Variants in SEMA4G observed in about 807,000 individuals in gnomAD.
SEMA4G encodes the protein semaphorin-4G.
SEMA4G carries 59 observed loss-of-function variants against 81.2 expected under a neutral mutation model. The ratio of observed to expected loss-of-function variants is 0.73; its 90% CI spans 0.59 to 0.90. The LOEUF (loss-of-function observed/expected upper bound fraction) is 0.90, where lower values mean the gene tolerates loss of function less well. SEMA4G is among the 40% of genes least tolerant of loss of function. SEMA4G has a pLI of 0.00. For synonymous variants in SEMA4G, 404 were observed against 433.9 expected (o/e 0.93, Z 0.86); for missense variants, 952 against 1,102.3 (o/e 0.86, Z 1.93).
At chr10:100,984,455 C>T (rs1006521433) in exon 14 of SEMA4G, 1 of 1,517,260 alleles carries the variant, frequency 6.6e-7, no homozygotes, top group Non-Finnish European at 8.8e-7. Context: ...CCTCCTGTTC[C>T]ATTCATCTGC....
chr10:100,971,915 C>T (rs758528881), upstream of SEMA4G, among the ~76,000 whole-genome samples: 5 of 152,168 alleles, frequency 3.3e-5, no homozygotes, highest in Non-Finnish European at 7.4e-5. Context: ...AGGTACCCAC[C>T]CCAATGCCTG....
chr10:100,979,362 G>A, intron 8 of SEMA4G, 91 bp downstream of exon 9: 8 of 1,606,452 alleles, frequency 5.0e-6, no homozygotes, highest in Non-Finnish European at 6.8e-6. Context: ...ATCCACTGTG[G>A]GGAGGTCTGG....
At position 100,980,795 on chromosome 10, in the gene SEMA4G, C is replaced by A. The variant is rs111542775; in HGVS notation, c.1468-27C>A. 188 of 1,548,804 alleles carry A rather than the reference C, an allele frequency of 1.2e-4. 3 individuals carry two copies. In the African/African-American group the frequency reaches 2.1e-3, roughly 18 times the overall value. ...GTATCTGTATGAGTGGGGACGCTGC[C>A]GACCAACTGTCCTATCTGGCTCCCA... is the stretch of plus-strand genomic sequence containing the variant. On this transcript the variant is annotated intron_variant, in intron 11 of 13. Coordinates refer to ENST00000370250, the Ensembl canonical transcript of SEMA4G.
At chr10:100,978,234 C>T in intron 4 of SEMA4G, 61 bp from the exon 6 acceptor site, 4 of 1,302,886 alleles carry the variant, frequency 3.1e-6, no homozygotes, top group South Asian at 2.5e-5. Context: ...ACTGATCTGA[C>T]TTTGAGCCAC....
In SEMA4G at chr10:100,977,715, CCT is replaced by C. The variant is rs1438510738; in HGVS notation, c.423_424del (p.Ala143SerfsTer3). The C allele has an allele frequency of 6.2e-7, 1 of 1,613,844 alleles. No individual in the cohort carries two copies. On this transcript the variant is annotated frameshift_variant, in exon 4 of 14. Transcript: ENST00000370250. LOFTEE classifies it high-confidence loss of function. ...CATGTGGGACTCACGCCTTCCAGCC[CCT>C]CTGTGCAGCCATTGTGAGTATACCT... is the stretch of plus-strand genomic sequence containing the variant.
At chr10:100,984,345 G>A in exon 14 of SEMA4G, 1 of 1,441,664 alleles carries the variant, frequency 6.9e-7, no homozygotes, top group Non-Finnish European at 9.1e-7. Context: ...AGGCCCATCG[G>A]TGCTCCTCAG....
chr10:100,983,393 C>T (rs770897727), exon 14 of SEMA4G: 3 of 1,611,632 alleles, frequency 1.9e-6, no homozygotes, highest in East Asian at 2.2e-5. Flanking sequence ...TGGCCCGGGC[C>T]TTGTGGCTAC....
chr10:100,980,791 C>A, intron 11 of SEMA4G, 31 bp from the exon 13 acceptor site: 1 of 1,556,214 alleles, frequency 6.4e-7, no homozygotes, highest in Non-Finnish European at 8.7e-7. Flanking sequence ...AGTGGGGACG[C>A]TGCCGACCAA....
chr10:100,973,144 G>A lies in SEMA4G; in HGVS notation c.140G>A (p.Arg47Gln), dbSNP rs1370809407. 8.7e-6 allele frequency: 14 copies of A among 1,613,866 alleles called. No homozygotes were observed. The highest frequency in any genetic ancestry group is 4.5e-5 in the East Asian group (2 of 44,892). The change falls in exon 2 of 14, where the codon CGG becomes CAG. Residue 47 changes from arginine to glutamine, a missense_variant. By Grantham distance (43) the Arg-to-Gln change is conservative. Coordinates refer to ENST00000370250, the Ensembl canonical transcript of SEMA4G. This position sits in a 1 kb window ranked among gnomAD's most constrained non-coding sequence, Gnocchi z 5.5. ...CTCTCCCCAGAGCTCTCTGGGACCC[G>A]GCACTTCAAGGGCCAAGCCCAGAAC...
At chr10:100,977,776 G>T in intron 4 of SEMA4G, 46 bp downstream of exon 5, 1 of 1,466,252 alleles carries the variant, frequency 6.8e-7, no homozygotes, top group Non-Finnish European at 9.6e-7. Flanking sequence ...CTTCATTAGG[G>T]ATGGGATCAT....
rs1331872579 is a variant in SEMA4G, at chr10:100,978,660, GGAT to G, written c.643+25_643+27del. On this transcript the variant is annotated intron_variant, in intron 6 of 13. Transcript: ENST00000370250. Reference sequence around the variant, plus strand: ...TCAATGGTTAGGAGGATGAGGCACAGGATGATGGGGGGTAGGGGACTATTTCTT... The same window carrying G: ...TCAATGGTTAGGAGGATGAGGCACAGGATGGGGGGTAGGGGACTATTTCTT... 2 of 1,602,126 alleles carry G rather than the reference GGAT, an allele frequency of 1.2e-6. No individual in the cohort carries two copies. Among genetic ancestry groups the G allele is most frequent in the Non-Finnish European group, 1.7e-6 (2 of 1,169,178 alleles).
downstream of SEMA4G, chr10:100,984,913 G>A (rs1851359112): frequency 6.9e-7 from 1 of 1,450,674 alleles, no homozygotes; most frequent in Non-Finnish European, 9.1e-7. Flanking sequence ...CTCCAGGCAT[G>A]TCCCATCCCC....
chr10:100,973,163 C>A lies in SEMA4G; in HGVS notation c.159C>A (p.Ala53=). 1 of 1,614,010 alleles carries A rather than the reference C, an allele frequency of 6.2e-7. No individual in the cohort carries two copies. Among genetic ancestry groups the A allele is most frequent in the Non-Finnish European group, 8.5e-7 (1 of 1,180,038 alleles). The change falls in exon 2 of 14, where the codon GCC becomes GCA. Residue 53 remains alanine, a synonymous_variant. Transcript: ENST00000370250. This position sits in a 1 kb window ranked among gnomAD's most constrained non-coding sequence, Gnocchi z 5.5. ...GGACCCGGCACTTCAAGGGCCAAGC[C>A]CAGAACTACTCAACACTGCTGCTGG...
At chr10:100,979,058 G>C in intron 7 of SEMA4G, 40 bp downstream of exon 8, 10 of 1,613,040 alleles carry the variant, frequency 6.2e-6, no homozygotes, top group Non-Finnish European at 8.5e-6. Context: ...ATAGAGGCTG[G>C]ACCTCTGACC....
Position 100,973,950 on chromosome 10 carries a change from AT to A in SEMA4G, c.336+347del, listed in dbSNP as rs35223759. On this transcript the variant is annotated intron_variant, in intron 3 of 13. Transcript: ENST00000370250. This position sits in a 1 kb window ranked among gnomAD's most constrained non-coding sequence, Gnocchi z 5.5. ...CATGCCACGCCCAGCTAAGTGTTTTATTTTTTGTAGAAACAGGGTCTTGCTA... is the reference window on the plus strand; with the variant it reads ...CATGCCACGCCCAGCTAAGTGTTTTATTTTTGTAGAAACAGGGTCTTGCTA... 1.3e-5 allele frequency among the ~76,000 whole-genome samples: 2 copies of A among 151,480 alleles called. No homozygotes were observed. The highest frequency in any genetic ancestry group is 1.3e-4 in the Admixed American group (2 of 15,218).
chr10:100,974,192 C>T (rs867120427), intron 3 of SEMA4G, among the ~76,000 whole-genome samples: 1 of 151,860 alleles, frequency 6.6e-6, no homozygotes, highest in Non-Finnish European at 1.5e-5. Context: ...AGGCTGAACG[C>T]GGTGGCTCAC....
chr10:100,978,113 A>G (rs1850880577), intron 4 of SEMA4G, 182 bp from the exon 6 acceptor site: 2 of 595,912 alleles, frequency 3.4e-6, no homozygotes, highest in East Asian at 5.6e-5. Flanking sequence ...CTCCAAACAT[A>G]CATTGTTTTG....
chr10:100,984,943 C>A (rs980911684), downstream of SEMA4G: 3 of 1,380,040 alleles, frequency 2.2e-6, no homozygotes, highest in South Asian at 1.5e-5. Context: ...TGGTAACACA[C>A]ACCTGTATCA....
chr10:100,981,673 CATT>C (rs1851082645), intron 13 of SEMA4G: 1 of 1,167,288 alleles, frequency 8.6e-7, no homozygotes, highest in Non-Finnish European at 1.2e-6. Context: ...AGAAAGGTGC[CATT>C]ATTATTATCC....
Sources: allele counts gnomAD v4.1 joint callset (sites outside exome capture counted in the v4.1 genomes callset), GRCh38; gene constraint gnomAD v4.1.1; non-coding constraint Gnocchi (gnomAD v3.1); transcripts MANE v1.5; gene names NCBI Gene and HGNC (gene_info 2026-07-23, HGNC 2026-07-21).